The following ADPRHL1 variants were observed in gnomAD, a reference collection of about 807,000 sequenced individuals.
The protein encoded by ADPRHL1 is ADP-ribosylhydrolase like 1.
A neutral mutation model predicts 44.1 loss-of-function variants in ADPRHL1; 43 were observed. The observed-to-expected ratio is 0.98, with a 90% CI of 0.76 to 1.26. The LOEUF (loss-of-function observed/expected upper bound fraction) is 1.26. ADPRHL1 is among the 50% of genes most tolerant of loss of function. The pLI, the probability that ADPRHL1 is intolerant of heterozygous loss-of-function variation, is 0.00. For missense variants in ADPRHL1, 2,022 were observed against 2,496.9 expected, an observed-to-expected ratio of 0.81 and a Z score of 4.05; for synonymous variants, 878 against 1,017.4, an observed-to-expected ratio of 0.86 and a Z score of 2.61.
rs1212088427 is a variant in ADPRHL1 at position 113,402,379 on chromosome 13, G to A, written c.*999C>T. 6.6e-6 allele frequency: 1 copy of A among 152,272 alleles called. No individual in the cohort carries two copies. Among genetic ancestry groups the A allele is most frequent in the Non-Finnish European group, 1.5e-5 (1 of 68,080 alleles). 9.4% of individuals were successfully genotyped at this position (152,272 alleles called of 1,614,324 possible). On this transcript the variant is annotated 3_prime_UTR_variant, in exon 8 of 8. Coordinates refer to ENST00000612156, the MANE Select transcript of ADPRHL1 (RefSeq NM_001394807.1). ...CCATCTCGAGGCAATGTGACCACAG[G>A]TGGCTTTGATTTCCTTCTTGTGCCT...
chr13:113,401,690 T>C lies in ADPRHL1; in HGVS notation c.*1688A>G, dbSNP rs181033083. 4.8e-3 allele frequency: 729 copies of C among 152,406 alleles called. 7 individuals are homozygous for C. Among genetic ancestry groups the C allele is most frequent in the Middle Eastern group, 0.01 (3 of 294 alleles). The allele number at this position is 152,406 out of a possible 1,614,324, so 9.4% of individuals were successfully genotyped here. On this transcript the variant is annotated 3_prime_UTR_variant, in exon 8 of 8. Transcript: ENST00000612156. The surrounding 1 kb of genome is among the most constrained non-coding windows in gnomAD (Gnocchi z 5.5). ...CCCAGAGCTCAGCACAGCCCGGCCC[T>C]CCTTCCAGACACCAGCACTCGCATG... is the stretch of plus-strand genomic sequence containing the variant.
rs1193239574 is a variant in ADPRHL1 at position 113,441,459 on chromosome 13, G to A, written c.379+2966C>T. ...TTTGGGTTCATGGTGTCCGTCTGCA[G>A]CTCGTTACAGCTGTGGGATGACACT... is the stretch of plus-strand genomic sequence containing the variant. On this transcript the variant is annotated intron_variant, in intron 2 of 7. Transcript: ENST00000612156. The surrounding 1 kb of genome is among the most constrained non-coding windows in gnomAD (Gnocchi z 6.0). 2.0e-5 allele frequency among the ~76,000 whole-genome samples: 3 copies of A among 152,140 alleles called. No homozygotes were observed. The highest frequency in any genetic ancestry group is 4.4e-5 in the Non-Finnish European group (3 of 68,026).
At chr13:113,410,258 G>A (rs770943451) in intron 7 of ADPRHL1, among the ~76,000 whole-genome samples, 20 of 152,070 alleles carry the variant, frequency 1.3e-4, no homozygotes, top group Non-Finnish European at 2.2e-4. Flanking sequence ...TGTGCCGTTC[G>A]CCCCCAAACC....
chr13:113,426,424 G>A (rs1291841185), intron 4 of ADPRHL1, among the ~76,000 whole-genome samples: 1 of 152,260 alleles, frequency 6.6e-6, no homozygotes, highest in African/African-American at 2.4e-5. Context: ...TGAGGTGACA[G>A]GGCACAGATC....
At chr13:113,426,515 G>GGGGGT (rs1418557869) in intron 4 of ADPRHL1, among the ~76,000 whole-genome samples, 54 of 152,234 alleles carry the variant, frequency 3.5e-4, no homozygotes, top group Admixed American at 1.0e-3. Flanking sequence ...CTACGCTCCT[G>GGGGGT]CCACAGAGCT....
At chr13:113,433,417 C>T (rs989817828) in intron 3 of ADPRHL1, among the ~76,000 whole-genome samples, 5 of 152,224 alleles carry the variant, frequency 3.3e-5, no homozygotes, top group African/African-American at 1.2e-4. Flanking sequence ...ACAGTTTCTT[C>T]AACATCACCG....
At chr13:113,428,242 C>A (rs867540372) in intron 4 of ADPRHL1, among the ~76,000 whole-genome samples, 177 of 130,218 alleles carry the variant, frequency 1.4e-3, no homozygotes, top group South Asian at 1.8e-3. Context: ...GATTCCATCT[C>A]AAAAAAAAAA....
At chr13:113,412,801 C>T in intron 7 of ADPRHL1, among the ~76,000 whole-genome samples, 1 of 96,892 alleles carries the variant, frequency 1.0e-5, no homozygotes, top group South Asian at 3.0e-4. Context: ...TCACCCACCG[C>T]CAACAGCACC....
chr13:113,418,629 C>G (rs1181692769), intron 7 of ADPRHL1, among the ~76,000 whole-genome samples: 1 of 152,194 alleles, frequency 6.6e-6, no homozygotes. Context: ...TGTGTGACTT[C>G]TGTGTGGTGT....
At position 113,404,653 on chromosome 13, in the gene ADPRHL1, C is replaced by G; in HGVS notation, c.4629G>C (p.Trp1543Cys). The change falls in exon 8 of 8, where the codon TGG (tryptophan) becomes TGC (cysteine). Residue 1543 changes from tryptophan to cysteine, a missense_variant. Physicochemically the swap from Trp to Cys is radical, Grantham distance 215. Transcript: ENST00000612156. The part of the protein sequence containing the change: ...QGQAQKQFQN[W>C]AQGQAQGHAQ... The stretch of plus-strand genomic sequence containing the variant: ...CGTGTCCCTGAGCCTGTCCCTGGGC[C>G]CAATTCTGAAACTGTTTCTGGGCCT... 7.7e-7 allele frequency: 1 copy of G among 1,299,242 alleles called. No homozygotes were observed. The highest frequency in any genetic ancestry group is 9.7e-7 in the Non-Finnish European group (1 of 1,030,486). The allele number at this position is 1,299,242 out of a possible 1,614,324, so 80.5% of individuals were successfully genotyped here. A position where few individuals can be genotyped will look rare whatever the true frequency, so the allele number is the denominator to read the frequency against.
rs1186389161 is a variant in ADPRHL1 at position 113,403,805 on chromosome 13, G to A, written c.5477C>T (p.Ala1826Val). 8.1e-7 allele frequency: 1 copy of A among 1,233,278 alleles called. No homozygotes were observed. Among genetic ancestry groups the A allele is most frequent in the Non-Finnish European group, 1.0e-6 (1 of 989,760 alleles). The allele number at this position is 1,233,278 out of a possible 1,614,324, so 76.4% of individuals were successfully genotyped here. A position where few individuals can be genotyped will look rare whatever the true frequency, so the allele number is the denominator to read the frequency against. ...CCTGCCAGCAGCATCCACTCCCTCA[G>A]CTATGCCACTAATGGGCTGCTCCCA... ...RAWEQPISGI[A>V]EGVDAAGRSG... The change falls in exon 8 of 8, where the codon GCT becomes GTT. Residue 1826 changes from alanine (A) to valine (V), a missense_variant. Physicochemically the swap from Ala to Val is moderately conservative, Grantham distance 64 (BLOSUM62 0). Coordinates refer to ENST00000612156, the MANE Select transcript of ADPRHL1 (RefSeq NM_001394807.1).
Position 113,406,787 on chromosome 13 carries a change from C to G in ADPRHL1, c.2495G>C (p.Arg832Pro), listed in dbSNP as rs955576809. Reference sequence around the variant, plus strand: ...AGGCTCCGTGGCAGGCTGTGTTCTCCGAGCAGCCTGGACCGATGGAGCGTT... The same window carrying G: ...AGGCTCCGTGGCAGGCTGTGTTCTCGGAGCAGCCTGGACCGATGGAGCGTT... ...PLNAPSVQAA[R>P]RTQPATEPPR... Residue 832 changes from arginine (R) to proline (P), a missense_variant, in exon 8 of 8, where the codon CGG becomes CCG. Coordinates refer to ENST00000612156, the MANE Select transcript of ADPRHL1 (RefSeq NM_001394807.1). 8.9e-6 allele frequency: 11 copies of G among 1,231,872 alleles called. No individual in the cohort carries two copies. Among genetic ancestry groups the G allele is most frequent in the Admixed American group, 4.2e-5 (1 of 23,704 alleles). 76.3% of individuals were successfully genotyped at this position (1,231,872 alleles called of 1,614,324 possible).
chr13:113,429,166 T>C, intron 3 of ADPRHL1, 74 bp from the exon 4 acceptor site: 4 of 1,542,164 alleles, frequency 2.6e-6, no homozygotes, highest in Non-Finnish European at 3.5e-6. Context: ...CCCGCCACGC[T>C]GCGTGGGACT....
At chr13:113,446,192 G>A (rs2044136506) in intron 1 of ADPRHL1, among the ~76,000 whole-genome samples, 1 of 122,638 alleles carries the variant, frequency 8.2e-6, no homozygotes, top group Non-Finnish European at 1.6e-5. Context: ...GAGAAAACAA[G>A]CAGGGCCCCT....
At chr13:113,417,503 C>T (rs556511306) in intron 7 of ADPRHL1, among the ~76,000 whole-genome samples, 1 of 152,264 alleles carries the variant, frequency 6.6e-6, no homozygotes, top group East Asian at 1.9e-4. Context: ...CTGCCTTTGT[C>T]TGTCTGTCCC....
In ADPRHL1 at chr13:113,407,661, T is replaced by C; in HGVS notation, c.1621A>G (p.Ile541Val). ...PKAARGLLPK[I>V]MGKSSVLSKL... ...GACAGCACCGAGCTCTTGCCCATGA[T>C]CTTCGGCAAGAGGCCCCTGGCGGCT... Residue 541 changes from isoleucine to valine, a missense_variant, in exon 8 of 8, where the codon ATC becomes GTC. Physicochemically the swap from Ile to Val is conservative, Grantham distance 29. Around this residue, in one of 8 missense-constraint regions of ADPRHL1, gnomAD observed 1,221 missense variants for 1,517.8 expected, o/e 0.80. Coordinates refer to ENST00000612156, the MANE Select transcript of ADPRHL1 (RefSeq NM_001394807.1). The C allele has an allele frequency of 8.1e-7, 1 of 1,232,058 alleles. No individual in the cohort carries two copies. Among genetic ancestry groups the C allele is most frequent in the Non-Finnish European group, 1.0e-6 (1 of 987,982 alleles). 76.3% of individuals were successfully genotyped at this position (1,232,058 alleles called of 1,614,324 possible). A position where few individuals can be genotyped will look rare whatever the true frequency, so the allele number is the denominator to read the frequency against.
In ADPRHL1 at chr13:113,422,892, T is replaced by C; in HGVS notation, c.995A>G (p.Asp332Gly). 6.2e-7 allele frequency: 1 copy of C among 1,612,912 alleles called. No individual in the cohort carries two copies. The highest frequency in any genetic ancestry group is 8.5e-7 in the Non-Finnish European group (1 of 1,179,982). The change falls in exon 7 of 8, where the codon GAC becomes GGC. Residue 332 changes from aspartate to glycine, a missense_variant. Asp to Gly is a moderately conservative substitution (Grantham distance 94, BLOSUM62 -1). Transcript: ENST00000612156. ...LDLVPKGLYQ[D>G]LEDKEKLEDL... ...CTCCAGCTTCTCCTTGTCCTCCAGG[T>C]CCTGGTACAAGCCTTTGGGAACGAG...
rs532268501 is a variant in ADPRHL1 at position 113,441,353 on chromosome 13, G to C, written c.379+3072C>G. Among the ~76,000 whole-genome samples the C allele has an allele frequency of 1.1e-4, 16 of 152,138 alleles. No individual in the cohort carries two copies. The highest frequency in any genetic ancestry group is 3.4e-4 in the African/African-American group (14 of 41,500). On this transcript the variant is annotated intron_variant, in intron 2 of 7. Transcript: ENST00000612156. This position sits in a 1 kb window ranked among gnomAD's most constrained non-coding sequence, Gnocchi z 6.0. ...CCCCCTTTTCTGCCTTTTTTGGGTT[G>C]AATGTTTCTCAAGGGATTCAATTTT...
In ADPRHL1 at chr13:113,404,322, C is replaced by G. The variant is rs374570776; in HGVS notation, c.4960G>C (p.Glu1654Gln). ...ATCTGGGTCTGCTCCTGAGCCTGTT[C>G]CTGGGCCCGTTCCTGAGCCCCTTTC... ...AQKGAQERAQ[E>Q]QAQEQTQIEA... Residue 1654 changes from glutamate to glutamine, a missense_variant, in exon 8 of 8, where the codon GAA (glutamate) becomes CAA (glutamine). Glu to Gln is a conservative substitution (Grantham distance 29). Coordinates refer to ENST00000612156, the MANE Select transcript of ADPRHL1 (RefSeq NM_001394807.1). 2.3e-5 allele frequency: 31 copies of G among 1,330,738 alleles called. No individual in the cohort carries two copies. In the East Asian group the frequency reaches 2.7e-4, roughly 12 times the overall value. The allele number at this position is 1,330,738 out of a possible 1,614,324, so 82.4% of individuals were successfully genotyped here. A position where few individuals can be genotyped will look rare whatever the true frequency, so the allele number is the denominator to read the frequency against.
Sources: gnomAD v4.1 joint callset for allele counts (sites outside exome capture counted in the v4.1 genomes callset) on GRCh38, gnomAD v4.1.1 for gene constraint, gnomAD v4.1.1 regional missense constraint, Gnocchi (gnomAD v3.1) non-coding constraint, MANE v1.5 for transcripts, NCBI Gene and HGNC (gene_info 2026-07-23, HGNC 2026-07-21) for gene names.